NUAK1: variants seen among roughly 807,000 people sequenced by gnomAD.
NUAK1 encodes the protein NUAK family kinase 1, also known as NUAK family SNF1-like kinase 1.
A neutral mutation model predicts 56.9 loss-of-function variants in NUAK1; 26 were observed. That is an observed-to-expected ratio of 0.46 (90% CI 0.33 to 0.63). The LOEUF is 0.63. Among genes scored for constraint, NUAK1 ranks in the 30% least tolerant of loss-of-function variants. The pLI is 0.02. For synonymous variants in NUAK1, 337 were observed against 336.0 expected, an observed-to-expected ratio of 1.00 and a Z score of -0.03; for missense variants, 727 against 876.1, an observed-to-expected ratio of 0.83 and a Z score of 2.15.
At chr12:106,097,282 T>C (rs962137818) in intron 2 of NUAK1, among the ~76,000 whole-genome samples, 1 of 152,240 alleles carries the variant, frequency 6.6e-6, no homozygotes, top group African/African-American at 2.4e-5. Context: ...GACAAATTTA[T>C]ACTCTTGCCC....
chr12:106,100,915 C>G (rs2032740939), intron 2 of NUAK1, among the ~76,000 whole-genome samples: 1 of 152,252 alleles, frequency 6.6e-6, no homozygotes, highest in African/African-American at 2.4e-5. Flanking sequence ...AGTTCTTTAA[C>G]AGCTTCTACT....
chr12:106,069,885 T>A (rs1209547866), intron 6 of NUAK1, among the ~76,000 whole-genome samples: 1 of 152,170 alleles, frequency 6.6e-6, no homozygotes. Context: ...GATGGCCAGC[T>A]GTACACACTC....
chr12:106,110,071 G>A (rs2032843106), intron 1 of NUAK1, among the ~76,000 whole-genome samples: 1 of 152,102 alleles, frequency 6.6e-6, no homozygotes, highest in Non-Finnish European at 1.5e-5. Context: ...AGGAAGATCA[G>A]ATCAGCTGGT....
At chr12:106,127,671 T>A (rs1483166458) in intron 1 of NUAK1, among the ~76,000 whole-genome samples, 1 of 152,174 alleles carries the variant, frequency 6.6e-6, no homozygotes, top group Non-Finnish European at 1.5e-5. Flanking sequence ...GTATGAGAAT[T>A]GAAGATACTT....
intron 4 of NUAK1, among the ~76,000 whole-genome samples, chr12:106,081,574 G>A (rs1488910462): frequency 6.6e-6 from 1 of 152,222 alleles, no homozygotes; most frequent in Non-Finnish European, 1.5e-5. Flanking sequence ...ACTTGGTGCA[G>A]GGGAACTGTC....
Position 106,138,327 on chromosome 12 carries a change from G to A in NUAK1, c.240+87C>T. 1.3e-6 allele frequency: 2 copies of A among 1,489,370 alleles called. No homozygotes were observed. Among genetic ancestry groups the A allele is most frequent in the Non-Finnish European group, 1.8e-6 (2 of 1,125,770 alleles). The allele number at this position is 1,489,370 out of a possible 1,614,324, so 92.3% of individuals were successfully genotyped here. On this transcript the variant is annotated intron_variant, in intron 1 of 6. Coordinates refer to ENST00000261402, the MANE Select transcript of NUAK1 (RefSeq NM_014840.3). This position sits in a 1 kb window ranked among gnomAD's most constrained non-coding sequence, Gnocchi z 5.0. ...CCCCTCTCTGTCAAGAGAGCCCCAGGGCGCACAGACCCCCGCCTCGCACGC... is the reference window on the plus strand; with the variant it reads ...CCCCTCTCTGTCAAGAGAGCCCCAGAGCGCACAGACCCCCGCCTCGCACGC...
At chr12:106,096,954 T>C (rs187895252) in intron 2 of NUAK1, among the ~76,000 whole-genome samples, 49 of 152,322 alleles carry the variant, frequency 3.2e-4, no homozygotes, top group African/African-American at 1.1e-3. Flanking sequence ...TCAGAATCAC[T>C]GATAGGCAAG....
chr12:106,094,820 C>T (rs1052117012), intron 2 of NUAK1, among the ~76,000 whole-genome samples: 1 of 152,206 alleles, frequency 6.6e-6, no homozygotes, highest in Non-Finnish European at 1.5e-5. Flanking sequence ...TGCCAAGACC[C>T]ATCCGTGCCT....
At chr12:106,129,955 T>A (rs556050622) in intron 1 of NUAK1, among the ~76,000 whole-genome samples, 108 of 152,164 alleles carry the variant, frequency 7.1e-4, no homozygotes, top group Middle Eastern at 3.4e-3. Context: ...ACAGCTGGGA[T>A]TTCTTCCTCC....
chr12:106,097,542 T>C (rs2032707326), intron 2 of NUAK1, among the ~76,000 whole-genome samples: 1 of 152,236 alleles, frequency 6.6e-6, no homozygotes, highest in Non-Finnish European at 1.5e-5. Flanking sequence ...TATCAGGACC[T>C]GCTTGCAAAT....
At position 106,073,851 on chromosome 12, in the gene NUAK1, C is replaced by G. The variant is rs150189530; in HGVS notation, c.580-1008G>C. On this transcript the variant is annotated intron_variant, in intron 4 of 6. Coordinates refer to ENST00000261402, the MANE Select transcript of NUAK1 (RefSeq NM_014840.3). ...AAATAAGATGACACCGTGAGTGTAACAGTGGTTCATAACCTTCAAGTTTGA... is the reference window on the plus strand; with the variant it reads ...AAATAAGATGACACCGTGAGTGTAAGAGTGGTTCATAACCTTCAAGTTTGA... 1.5e-3 allele frequency among the ~76,000 whole-genome samples: 225 copies of G among 152,046 alleles called. 1 individual carries two copies. Among genetic ancestry groups the G allele is most frequent in the African/African-American group, 5.2e-3 (217 of 41,452 alleles).
In NUAK1 at chr12:106,079,448, C is replaced by T. The variant is rs1160908138; in HGVS notation, c.579+4416G>A. ...CACTTCCAGAATACATTACACAGGGCCATTTGGCCCTGCCAAGGGAGAAGG... is the reference window on the plus strand; with the variant it reads ...CACTTCCAGAATACATTACACAGGGTCATTTGGCCCTGCCAAGGGAGAAGG... On this transcript the variant is annotated intron_variant, in intron 4 of 6. Coordinates refer to ENST00000261402, the MANE Select transcript of NUAK1 (RefSeq NM_014840.3). Among the ~76,000 whole-genome samples the T allele has an allele frequency of 9.2e-5, 14 of 152,174 alleles. 1 individual carries two copies. Among genetic ancestry groups the T allele is most frequent in the Admixed American group, 9.2e-4 (14 of 15,284 alleles).
chr12:106,109,306 T>C (rs2032835262), intron 1 of NUAK1, among the ~76,000 whole-genome samples: 1 of 152,206 alleles, frequency 6.6e-6, no homozygotes, highest in Non-Finnish European at 1.5e-5. Context: ...CTGAATGCTT[T>C]ACATGCCAGG....
intron 1 of NUAK1, among the ~76,000 whole-genome samples, chr12:106,131,633 C>T (rs1306977757): frequency 6.6e-6 from 1 of 152,082 alleles, no homozygotes; most frequent in Non-Finnish European, 1.5e-5. Flanking sequence ...TTTTATTTAC[C>T]CATTCATCAG....
intron 2 of NUAK1, among the ~76,000 whole-genome samples, chr12:106,089,344 A>C (rs1255623733): frequency 1.3e-5 from 2 of 152,242 alleles, no homozygotes; most frequent in Non-Finnish European, 2.9e-5. Flanking sequence ...CACAGACAGA[A>C]GGGCTGTTTC....
intron 4 of NUAK1, among the ~76,000 whole-genome samples, chr12:106,075,968 T>C (rs1020073961): frequency 6.6e-6 from 1 of 152,282 alleles, no homozygotes; most frequent in African/African-American, 2.4e-5. Context: ...TGGTAAGTGA[T>C]ACTGGTTTTC....
At chr12:106,092,871 G>C (rs2032650752) in intron 2 of NUAK1, among the ~76,000 whole-genome samples, 1 of 152,096 alleles carries the variant, frequency 6.6e-6, no homozygotes, top group Admixed American at 6.5e-5. Context: ...TCTGCTTTTT[G>C]CATTACATCC....
At chr12:106,121,169 C>G (rs2136479630) in intron 1 of NUAK1, among the ~76,000 whole-genome samples, 1 of 152,330 alleles carries the variant, frequency 6.6e-6, no homozygotes, top group South Asian at 2.1e-4. Context: ...CTCCAATGCT[C>G]TCTTGCTTTC....
At chr12:106,098,397 C>T (rs553559123) in intron 2 of NUAK1, among the ~76,000 whole-genome samples, 2 of 152,110 alleles carry the variant, frequency 1.3e-5, no homozygotes, top group African/African-American at 2.4e-5. Context: ...TATCAAAGGA[C>T]GTGTTTGTCT....
Sources: allele counts gnomAD v4.1 joint callset (sites outside exome capture counted in the v4.1 genomes callset), GRCh38; gene constraint gnomAD v4.1.1; non-coding constraint Gnocchi (gnomAD v3.1); transcripts MANE v1.5; gene names NCBI Gene and HGNC (gene_info 2026-07-23, HGNC 2026-07-21).